Variants in ACOX3 observed in about 807,000 individuals in gnomAD.
The protein encoded by ACOX3 is acyl-CoA oxidase 3, pristanoyl.
In ACOX3, 73 loss-of-function variants were observed where a neutral mutation model predicts 81.5. That is an observed-to-expected ratio of 0.90 (90% CI 0.74 to 1.09). The LOEUF (loss-of-function observed/expected upper bound fraction) is 1.09. Among genes scored for constraint, ACOX3 ranks in the 50% least tolerant of loss-of-function variants. The pLI, the probability that ACOX3 is intolerant of heterozygous loss-of-function variation, is 0.00. For synonymous variants in ACOX3, 387 were observed against 375.1 expected (o/e 1.03, Z -0.37); for missense variants, 947 against 928.0 (o/e 1.02, Z -0.27).
intron 14 of ACOX3, among the ~76,000 whole-genome samples, chr4:8,377,418 T>G (rs994647173): frequency 6.6e-5 from 10 of 152,186 alleles, no homozygotes; most frequent in Non-Finnish European, 1.5e-4. Context: ...TGTCAAATAA[T>G]GCATCGCGAG....
chr4:8,382,013 AC>A lies in ACOX3; in HGVS notation c.1538-407del, dbSNP rs1330371666. ...CCAGGACTGCATGGGCAGCAGGACA[AC>A]TGGCCGGCGGTGGCGCCCAGTGGCG... is the stretch of plus-strand genomic sequence containing the variant. On this transcript the variant is annotated intron_variant, in intron 13 of 17. Transcript: ENST00000356406. This position sits in a 1 kb window ranked among gnomAD's most constrained non-coding sequence, Gnocchi z 4.1. Among the ~76,000 whole-genome samples, 19 of 152,360 alleles carry A rather than the reference AC, an allele frequency of 1.2e-4. No individual in the cohort carries two copies. The highest frequency in any genetic ancestry group is 4.6e-4 in the African/African-American group (19 of 41,588).
At chr4:8,357,188 A>C in the ACOX3 span, 11 of 456,826 alleles carry the variant, frequency 2.4e-5, no homozygotes, top group East Asian at 4.9e-4. Context: ...ACATGAAGCC[A>C]GCAGGTGAGG....
intron 6 of ACOX3, among the ~76,000 whole-genome samples, chr4:8,408,840 G>C (rs1209761621): frequency 1.5e-5 from 2 of 137,422 alleles, no homozygotes; most frequent in African/African-American, 5.3e-5. Context: ...ACCTGGACTT[G>C]CCATTGGCAT....
At chr4:8,375,216 AG>A in intron 14 of ACOX3, 64 bp from the exon 15 acceptor site, 2 of 1,450,668 alleles carry the variant, frequency 1.4e-6, no homozygotes, top group Non-Finnish European at 1.8e-6. Context: ...TTCCCGGGGG[AG>A]GAAGTTCTCA....
In ACOX3 at chr4:8,416,191, T is replaced by C. The variant is rs1328226124; in HGVS notation, c.144+187A>G. ...GCTTAAGAAACATCAACAATCCGTGTTCATTTCCAGACTCCTCATCAATTC... is the reference window on the plus strand; with the variant it reads ...GCTTAAGAAACATCAACAATCCGTGCTCATTTCCAGACTCCTCATCAATTC... On this transcript the variant is annotated intron_variant, in intron 2 of 17. Coordinates refer to ENST00000356406, the MANE Select transcript of ACOX3 (RefSeq NM_003501.3). The surrounding 1 kb of genome is among the most constrained non-coding windows in gnomAD (Gnocchi z 4.2). Among the ~76,000 whole-genome samples the C allele has an allele frequency of 6.6e-6, 1 of 152,156 alleles. No individual in the cohort carries two copies. The highest frequency in any genetic ancestry group is 1.5e-5 in the Non-Finnish European group (1 of 68,024).
At chr4:8,418,381 C>G (rs898071013) in intron 1 of ACOX3, among the ~76,000 whole-genome samples, 3 of 150,294 alleles carry the variant, frequency 2.0e-5, no homozygotes, top group African/African-American at 7.4e-5. Context: ...ATCGCTTGAA[C>G]CTGGGAGACA....
At chr4:8,395,468 G>A (rs1466929332) in intron 9 of ACOX3, among the ~76,000 whole-genome samples, 2 of 152,156 alleles carry the variant, frequency 1.3e-5, no homozygotes, top group African/African-American at 4.8e-5. Context: ...TGAGGAAACC[G>A]CCATCACCAC....
rs1413337316 is a variant in ACOX3 at position 8,394,460 on chromosome 4, G to A, written c.1179+160C>T. Among the ~76,000 whole-genome samples the A allele has an allele frequency of 1.3e-5, 2 of 152,232 alleles. No homozygotes were observed. Among genetic ancestry groups the A allele is most frequent in the African/African-American group, 4.8e-5 (2 of 41,454 alleles). On this transcript the variant is annotated intron_variant, in intron 10 of 17. Transcript: ENST00000356406. This position sits in a 1 kb window ranked among gnomAD's most constrained non-coding sequence, Gnocchi z 5.9. ...ACGCGTGCCCAGCCCGTTCAATCGC[G>A]GCAGAGGCCAAGAGCTCCGAGTGGG...
At chr4:8,402,857 C>T (rs976304977) in intron 7 of ACOX3, among the ~76,000 whole-genome samples, 3 of 152,198 alleles carry the variant, frequency 2.0e-5, no homozygotes, top group South Asian at 2.1e-4. Flanking sequence ...GCACACACCC[C>T]GCGCCCTGGA....
chr4:8,426,192 A>C (rs1468611020), intron 1 of ACOX3, among the ~76,000 whole-genome samples: 3 of 152,132 alleles, frequency 2.0e-5, no homozygotes, highest in Non-Finnish European at 1.5e-5. Context: ...AAAACATTAC[A>C]GGGAACCTGT....
chr4:8,371,082 G>A lies in ACOX3; in HGVS notation c.1897-88C>T, dbSNP rs1716131324. ...TAACAGCCCCGTGTGTGGTTGCCAG[G>A]ACCCACTAGCAACGGGTCACCTGAG... On this transcript the variant is annotated intron_variant, in intron 16 of 17. Transcript: ENST00000356406. 2.4e-6 allele frequency: 3 copies of A among 1,254,696 alleles called. No homozygotes were observed. The Admixed American group carries it at 5.5e-5, about 23-fold the overall frequency. The allele number at this position is 1,254,696 out of a possible 1,614,324, so 77.7% of individuals were successfully genotyped here.
At position 8,389,037 on chromosome 4, in the gene ACOX3, T is replaced by C. The variant is rs1718643373; in HGVS notation, c.1537+136A>G. 2 of 668,686 alleles carry C rather than the reference T, an allele frequency of 3.0e-6. No individual in the cohort carries two copies. Among genetic ancestry groups the C allele is most frequent in the Admixed American group, 5.0e-5 (2 of 39,818 alleles). The allele number at this position is 668,686 out of a possible 1,614,324, so 41.4% of individuals were successfully genotyped here. ...GTCCATGAGCCAGCCCAGGACAAGCTGCATGCGGGGCCTCCCACCACCACT... is the reference window on the plus strand; with the variant it reads ...GTCCATGAGCCAGCCCAGGACAAGCCGCATGCGGGGCCTCCCACCACCACT... On this transcript the variant is annotated intron_variant, in intron 13 of 17. Transcript: ENST00000356406. This position sits in a 1 kb window ranked among gnomAD's most constrained non-coding sequence, Gnocchi z 5.3.
At position 8,416,277 on chromosome 4, in the gene ACOX3, C is replaced by T. The variant is rs1722323654; in HGVS notation, c.144+101G>A. 16 of 1,594,894 alleles carry T rather than the reference C, an allele frequency of 1.0e-5. No homozygotes were observed. Among genetic ancestry groups the T allele is most frequent in the Admixed American group, 1.7e-5 (1 of 59,738 alleles). ...GCCGCGCTGCCTGGGATGAGCCTCG[C>T]CCGGCAGAGGAGGAGCTGTGAGAGC... On this transcript the variant is annotated intron_variant, in intron 2 of 17. Coordinates refer to ENST00000356406, the MANE Select transcript of ACOX3 (RefSeq NM_003501.3). This position sits in a 1 kb window ranked among gnomAD's most constrained non-coding sequence, Gnocchi z 4.2.
rs1266795677 is a variant in ACOX3 at position 8,370,066 on chromosome 4, G to A, written c.1983+842C>T. Among the ~76,000 whole-genome samples, 1 of 152,364 alleles carries A rather than the reference G, an allele frequency of 6.6e-6. No individual in the cohort carries two copies. Among genetic ancestry groups the A allele is most frequent in the East Asian group, 1.9e-4 (1 of 5,168 alleles). ...TGAGGCCAGCAAGGGCAGCACTACA[G>A]TGCCTGGGGGCACTGCCTCAGCTGG... is the stretch of plus-strand genomic sequence containing the variant. On this transcript the variant is annotated intron_variant, in intron 17 of 17. Transcript: ENST00000356406. This position sits in a 1 kb window ranked among gnomAD's most constrained non-coding sequence, Gnocchi z 6.3.
Position 8,384,271 on chromosome 4 carries a change from T to C in ACOX3, c.1538-2664A>G, listed in dbSNP as rs1455434147. On this transcript the variant is annotated intron_variant, in intron 13 of 17. Coordinates refer to ENST00000356406, the MANE Select transcript of ACOX3 (RefSeq NM_003501.3). The surrounding 1 kb of genome is among the most constrained non-coding windows in gnomAD (Gnocchi z 5.3). Reference sequence around the variant, plus strand: ...TGGTTCTTGGTTTTTCGTGAAAAAATAAATCATGTCAGTCTGATGTGTTCA... The same window carrying C: ...TGGTTCTTGGTTTTTCGTGAAAAAACAAATCATGTCAGTCTGATGTGTTCA... Among the ~76,000 whole-genome samples, 1 of 152,090 alleles carries C rather than the reference T, an allele frequency of 6.6e-6. No homozygotes were observed. Among genetic ancestry groups the C allele is most frequent in the African/African-American group, 2.4e-5 (1 of 41,406 alleles).
At chr4:8,364,120 A>T (rs147601467), downstream of ACOX3, among the ~76,000 whole-genome samples, 34 of 152,208 alleles carry the variant, frequency 2.2e-4, no homozygotes, top group African/African-American at 7.7e-4. This position sits in a 1 kb window ranked among gnomAD's most constrained non-coding sequence, Gnocchi z 5.0. Context: ...TTTTCCTGTA[A>T]CACACCTATA....
chr4:8,364,983 G>A (rs193064060), downstream of ACOX3, among the ~76,000 whole-genome samples: 1 of 152,260 alleles, frequency 6.6e-6, no homozygotes, highest in Non-Finnish European at 1.5e-5. This position sits in a 1 kb window ranked among gnomAD's most constrained non-coding sequence, Gnocchi z 5.0. Context: ...GAGGACTTGG[G>A]AGCCTGTTCC....
chr4:8,389,339 G>C lies in ACOX3; in HGVS notation c.1424-53C>G. On this transcript the variant is annotated intron_variant, in intron 12 of 17. Coordinates refer to ENST00000356406, the MANE Select transcript of ACOX3 (RefSeq NM_003501.3). This position sits in a 1 kb window ranked among gnomAD's most constrained non-coding sequence, Gnocchi z 5.3. The stretch of plus-strand genomic sequence containing the variant: ...TGGAAGACAGGAACCCAAACCATTG[G>C]GAACCCCAAGCTGGGGGCACCCCAA... 6.5e-7 allele frequency: 1 copy of C among 1,544,686 alleles called. No individual in the cohort carries two copies. Among genetic ancestry groups the C allele is most frequent in the Non-Finnish European group, 8.8e-7 (1 of 1,131,150 alleles).
chr4:8,361,267 C>CA, the ACOX3 span, among the ~76,000 whole-genome samples: 18 of 148,256 alleles, frequency 1.2e-4, no homozygotes, highest in Admixed American at 4.0e-4. Context: ...ACTAAAAATG[C>CA]AAAAAAAAAT....
Sources: allele counts gnomAD v4.1 joint callset (sites outside exome capture counted in the v4.1 genomes callset), GRCh38; gene constraint gnomAD v4.1.1; non-coding constraint Gnocchi (gnomAD v3.1); transcripts MANE v1.5; gene names NCBI Gene and HGNC (gene_info 2026-07-23, HGNC 2026-07-21).